Variants in MAGI2 observed in about 807,000 individuals in gnomAD.
MAGI2 encodes the protein membrane associated guanylate kinase, WW and PDZ domain containing 2.
A neutral mutation model predicts 133.3 loss-of-function variants in MAGI2; 35 were observed. The ratio of observed to expected loss-of-function variants is 0.26; its 90% confidence interval spans 0.20 to 0.35. MAGI2 has a LOEUF of 0.35. MAGI2 is among the 10% of genes least tolerant of loss of function. MAGI2 has a pLI of 1.00. For synonymous variants in MAGI2, 729 were observed against 710.6 expected, an observed-to-expected ratio of 1.03 and a Z score of -0.41; for missense variants, 1,636 against 1,863.4, an observed-to-expected ratio of 0.88 and a Z score of 2.25.
At chr7:79,203,992 G>T (rs1015616644) in intron 1 of MAGI2, among the ~76,000 whole-genome samples, 3 of 151,934 alleles carry the variant, frequency 2.0e-5, no homozygotes, top group Non-Finnish European at 2.9e-5. Context: ...AATAAGAAAA[G>T]GCACATGGAA....
intron 10 of MAGI2, among the ~76,000 whole-genome samples, chr7:78,230,851 C>T (rs749876522): frequency 1.3e-5 from 2 of 152,190 alleles, no homozygotes; most frequent in African/African-American, 2.4e-5. Context: ...GTGCCTTCCT[C>T]AGGCAGTTTT....
intron 1 of MAGI2, among the ~76,000 whole-genome samples, chr7:79,449,897 T>TATATATATATATATATAA (rs1491494586): frequency 6.8e-4 from 90 of 132,282 alleles, no homozygotes; most frequent in African/African-American, 1.6e-3. Context: ...TATATATATA[T>TATATATATATATATATAA]AATGTCTTAA....
At chr7:79,346,723 T>C (rs1841343810) in intron 1 of MAGI2, among the ~76,000 whole-genome samples, 1 of 152,004 alleles carries the variant, frequency 6.6e-6, no homozygotes, top group Admixed American at 6.6e-5. Context: ...TTATTACTGC[T>C]GGAATACTTT....
chr7:78,728,044 G>A (rs1442818843), intron 2 of MAGI2, among the ~76,000 whole-genome samples: 1 of 152,052 alleles, frequency 6.6e-6, no homozygotes, highest in African/African-American at 2.4e-5. Flanking sequence ...TGATAGTTAG[G>A]GAATGCCTAA....
At chr7:79,031,156 C>T (rs935633385) in intron 1 of MAGI2, among the ~76,000 whole-genome samples, 7 of 152,118 alleles carry the variant, frequency 4.6e-5, no homozygotes, top group East Asian at 1.9e-4. Context: ...TTCCCTTTGC[C>T]GGTTTTATGT....
chr7:78,105,168 C>T (rs145556546), intron 20 of MAGI2, among the ~76,000 whole-genome samples: 4 of 152,084 alleles, frequency 2.6e-5, no homozygotes, highest in African/African-American at 4.8e-5. Context: ...AATTTACTGG[C>T]GTTAACGTAT....
rs527573519 is a variant in MAGI2, at chr7:78,801,144, T to C, written c.419-173905A>G. Among the ~76,000 whole-genome samples, 16 of 152,304 alleles carry C rather than the reference T, an allele frequency of 1.1e-4. 1 individual carries two copies. The highest frequency in any genetic ancestry group is 3.6e-4 in the African/African-American group (15 of 41,568). Reference sequence around the variant, plus strand: ...GAATATGTGTTTCTGAGTAGTTTGCTTAACATTTGGCAAGAGATTTAAAGA... The same window carrying C: ...GAATATGTGTTTCTGAGTAGTTTGCCTAACATTTGGCAAGAGATTTAAAGA... On this transcript the variant is annotated intron_variant, in intron 2 of 21. Transcript: ENST00000354212.
At chr7:78,195,426 T>TTTCTA (rs1290995313) in intron 11 of MAGI2, among the ~76,000 whole-genome samples, 11 of 152,200 alleles carry the variant, frequency 7.2e-5, no homozygotes, top group Non-Finnish European at 1.3e-4. Flanking sequence ...TGTATGGTAT[T>TTTCTA]AGTTGTTCCT....
At chr7:79,364,673 CA>C (rs1267999560) in intron 1 of MAGI2, among the ~76,000 whole-genome samples, 1 of 151,832 alleles carries the variant, frequency 6.6e-6, no homozygotes, top group Non-Finnish European at 1.5e-5. Flanking sequence ...GACAATAGTG[CA>C]AAAGCAATTC....
intron 3 of MAGI2, among the ~76,000 whole-genome samples, chr7:78,605,293 G>A (rs1242037557): frequency 6.6e-6 from 1 of 152,164 alleles, no homozygotes; most frequent in Non-Finnish European, 1.5e-5. Context: ...AAATGGATAT[G>A]GAGATGCAAG....
chr7:78,465,736 A>G (rs924975460), intron 6 of MAGI2, among the ~76,000 whole-genome samples: 2 of 152,110 alleles, frequency 1.3e-5, no homozygotes, highest in Non-Finnish European at 2.9e-5. Context: ...CATGGCTATG[A>G]TTTCTCTGCT....
chr7:78,651,950 T>C (rs1220850650), intron 2 of MAGI2, among the ~76,000 whole-genome samples: 1 of 62,010 alleles, frequency 1.6e-5, no homozygotes, highest in Non-Finnish European at 2.9e-5. Context: ...TAAACAAGCA[T>C]TTTGTGGTGT....
chr7:78,777,831 G>C (rs895807314), intron 2 of MAGI2, among the ~76,000 whole-genome samples: 4 of 151,988 alleles, frequency 2.6e-5, no homozygotes, highest in African/African-American at 9.7e-5. Flanking sequence ...TCCTTAATTA[G>C]TCTTTCTTCA....
chr7:79,204,770 T>G (rs575077775), intron 1 of MAGI2, among the ~76,000 whole-genome samples: 2 of 151,284 alleles, frequency 1.3e-5, no homozygotes, highest in Non-Finnish European at 2.9e-5. Flanking sequence ...ATAGAAAAAT[T>G]GAAACAATTA....
intron 7 of MAGI2, chr7:78,347,010 T>C (rs1480290224): frequency 1.3e-5 from 2 of 152,240 alleles, no homozygotes; most frequent in Non-Finnish European, 2.9e-5. Context: ...GCATTCCAAT[T>C]ATTCACCTTT....
intron 3 of MAGI2, among the ~76,000 whole-genome samples, chr7:78,580,299 A>C (rs1273080849): frequency 6.6e-6 from 1 of 152,234 alleles, no homozygotes; most frequent in Non-Finnish European, 1.5e-5. Flanking sequence ...CAATGGATTA[A>C]AAGAAAATCA....
chr7:78,489,741 A>AT lies in MAGI2; in HGVS notation c.1045+19dup, dbSNP rs762441755. 6.3e-7 allele frequency: 1 copy of AT among 1,586,628 alleles called. No homozygotes were observed. Among genetic ancestry groups the AT allele is most frequent in the East Asian group, 2.2e-5 (1 of 44,732 alleles). ...TCTCAAAGCACATTGCTGAAACACCATAAAAACTTAATAACCTACCATTTT... is the reference window on the plus strand; with the variant it reads ...TCTCAAAGCACATTGCTGAAACACCATTAAAAACTTAATAACCTACCATTTT... On this transcript the variant is annotated intron_variant, in intron 6 of 21. Coordinates refer to ENST00000354212, the MANE Select transcript of MAGI2 (RefSeq NM_012301.4).
rs1211082900 is a variant in MAGI2 at position 78,890,003 on chromosome 7, A to G, written c.418+117087T>C. 6.6e-5 allele frequency among the ~76,000 whole-genome samples: 10 copies of G among 152,232 alleles called. No individual in the cohort carries two copies. In the East Asian group the frequency reaches 1.7e-3, roughly 26 times the overall value. On this transcript the variant is annotated intron_variant, in intron 2 of 21. Coordinates refer to ENST00000354212, the MANE Select transcript of MAGI2 (RefSeq NM_012301.4). The stretch of plus-strand genomic sequence containing the variant: ...AGACCCATCTCACGTGCAGAGACAC[A>G]TATAGGCTCAAAATAAAGGGATGGA...
At chr7:78,507,409 T>A (rs902107605) in intron 4 of MAGI2, among the ~76,000 whole-genome samples, 3 of 152,022 alleles carry the variant, frequency 2.0e-5, no homozygotes, top group Non-Finnish European at 4.4e-5. Context: ...AAGTAGAATA[T>A]TTAGGGGAAG....
Sources: allele counts gnomAD v4.1 joint callset (sites outside exome capture counted in the v4.1 genomes callset), GRCh38; gene constraint gnomAD v4.1.1; transcripts MANE v1.5; gene names NCBI Gene and HGNC (gene_info 2026-07-23, HGNC 2026-07-21).